Variants in TRAPPC3L observed in about 807,000 individuals in gnomAD.
The protein encoded by TRAPPC3L is trafficking protein particle complex subunit 3-like protein.
In TRAPPC3L, 23 loss-of-function variants were observed where a neutral mutation model predicts 23.7. The ratio of observed to expected loss-of-function variants is 0.97; its 90% CI spans 0.70 to 1.37. The LOEUF (loss-of-function observed/expected upper bound fraction) is 1.37. Ranked by LOEUF, TRAPPC3L falls within the 40% of genes most tolerant of loss-of-function variation. The pLI is 0.00. For synonymous variants in TRAPPC3L, 81 were observed against 77.9 expected, an observed-to-expected ratio of 1.04 and a Z score of -0.21; for missense variants, 212 against 216.8, an observed-to-expected ratio of 0.98 and a Z score of 0.14.
chr6:116,497,112 T>C, intron 4 of TRAPPC3L, 39 bp from the exon 5 acceptor site: 1 of 1,500,344 alleles, frequency 6.7e-7, no homozygotes, highest in Non-Finnish European at 8.8e-7. Flanking sequence ...GTCATTCAAT[T>C]AAAAAACAAA....
chr6:116,545,402 A>T (rs1420619347), intron 1 of TRAPPC3L, 71 bp downstream of exon 1: 1 of 1,375,330 alleles, frequency 7.3e-7, no homozygotes, highest in East Asian at 2.5e-5. Flanking sequence ...CAGTTTTTAA[A>T]ATCAATCAGA....
rs1209111686 is a variant in TRAPPC3L, at chr6:116,497,077, G to A, written c.427-4C>T. On this transcript the variant is annotated splice_region_variant and splice_polypyrimidine_tract_variant and intron_variant, in intron 4 of 4. Transcript: ENST00000368602. ...TAACATCAGCCGCCAAATGAACCTA[G>A]GAAAGAAGAAAAAAACAGGCCTGTG... 3.9e-6 allele frequency: 6 copies of A among 1,532,476 alleles called. No homozygotes were observed. The highest frequency in any genetic ancestry group is 2.5e-5 in the East Asian group (1 of 39,728). The allele number at this position is 1,532,476 out of a possible 1,614,324, so 94.9% of individuals were successfully genotyped here.
At chr6:116,514,552 A>G (rs1002560738) in intron 3 of TRAPPC3L, among the ~76,000 whole-genome samples, 2 of 152,220 alleles carry the variant, frequency 1.3e-5, no homozygotes, top group Non-Finnish European at 2.9e-5. Flanking sequence ...TTACCCTTCA[A>G]GGTGAGTAAC....
intron 3 of TRAPPC3L, chr6:116,523,892 AG>A (rs1307279716): frequency 6.6e-6 from 1 of 152,210 alleles, no homozygotes; most frequent in African/African-American, 2.4e-5. Flanking sequence ...GTATTAAGAA[AG>A]GAGAATAAAG....
At chr6:116,523,877 T>G (rs1304983045) in intron 3 of TRAPPC3L, 1 of 152,142 alleles carries the variant, frequency 6.6e-6, no homozygotes, top group Non-Finnish European at 1.5e-5. Context: ...CCCCACAGAT[T>G]AACAGTATTA....
chr6:116,512,307 C>G, intron 3 of TRAPPC3L: 2 of 1,467,472 alleles, frequency 1.4e-6, no homozygotes, highest in Non-Finnish European at 9.1e-7. Context: ...TCCTTTCAGC[C>G]AGGGCTGTCT....
In TRAPPC3L at chr6:116,500,505, C is replaced by T. The variant is rs1038488850; in HGVS notation, c.402G>A (p.Gly134=). 24 of 1,550,494 alleles carry T rather than the reference C, an allele frequency of 1.5e-5. No homozygotes were observed. Among genetic ancestry groups the T allele is most frequent in the Non-Finnish European group, 2.0e-5 (23 of 1,146,544 alleles). Residue 134 remains glycine, a synonymous_variant, in exon 4 of 5, where the codon GGG becomes GGA. Transcript: ENST00000368602. The part of the protein sequence containing the change: ...SSLCYCNLLC[G]IIRGALEMVH... ...CCATTTCCAAGGCACCTCTGATAAT[C>T]CCACAGAGCAAGTTGCAGTAGCACA...
chr6:116,505,323 A>T (rs1026453444), intron 3 of TRAPPC3L, among the ~76,000 whole-genome samples: 2 of 152,196 alleles, frequency 1.3e-5, no homozygotes, highest in African/African-American at 4.8e-5. Context: ...GATGTGAAGG[A>T]CCTCTTCAAG....
Position 116,497,056 on chromosome 6 carries a change from A to G in TRAPPC3L, c.444T>C (p.Asp148=). The G allele has an allele frequency of 6.5e-7, 1 of 1,541,490 alleles. No individual in the cohort carries two copies. Among genetic ancestry groups the G allele is most frequent in the Non-Finnish European group, 8.7e-7 (1 of 1,143,850 alleles). Residue 148 remains aspartate (D), a synonymous_variant, in exon 5 of 5, where the codon GAT becomes GAC. Transcript: ENST00000368602. ...GALEMVHLAA[D]VTFLQDRLKG... is the part of the protein sequence containing the mutation. ...TTAGTCTGTCTTGCAAGAATGTAAC[A>G]TCAGCCGCCAAATGAACCTAGGAAA...
chr6:116,518,457 C>G (rs1379960825), intron 3 of TRAPPC3L: 1 of 152,312 alleles, frequency 6.6e-6, no homozygotes, highest in Non-Finnish European at 1.5e-5. Context: ...GGTGCAGGGT[C>G]AGACGTCTGT....
At position 116,496,504 on chromosome 6, in the gene TRAPPC3L, A is replaced by T. The variant is rs1771835056; in HGVS notation, c.*450T>A. 1 of 152,318 alleles carries T rather than the reference A, an allele frequency of 6.6e-6. No individual in the cohort carries two copies. Among genetic ancestry groups the T allele is most frequent in the South Asian group, 2.1e-4 (1 of 4,830 alleles). 9.4% of individuals were successfully genotyped at this position (152,318 alleles called of 1,614,324 possible). On this transcript the variant is annotated 3_prime_UTR_variant, in exon 5 of 5. Transcript: ENST00000368602. ...CATATTTTTTTAGAAATATGGAATT[A>T]TTTATTTAAGGAATGCAATATACAG...
At chr6:116,530,902 CATATATATATATATATATATATATAT>C (rs10557481) in intron 3 of TRAPPC3L, among the ~76,000 whole-genome samples, 13 of 76,484 alleles carry the variant, frequency 1.7e-4, no homozygotes, top group East Asian at 5.6e-4. Flanking sequence ...AAGTGAGACT[CATATATATATATATATATATATATAT>C]ATATATATAT....
At chr6:116,540,696 G>T (rs1773396444) in intron 2 of TRAPPC3L, among the ~76,000 whole-genome samples, 1 of 152,044 alleles carries the variant, frequency 6.6e-6, no homozygotes, top group South Asian at 2.1e-4. Context: ...AGAAGAGTCT[G>T]CCTAGAATCA....
chr6:116,520,138 G>A (rs138474053), intron 3 of TRAPPC3L: 33 of 152,174 alleles, frequency 2.2e-4, no homozygotes, highest in African/African-American at 7.0e-4. Flanking sequence ...ATGAGAAAAC[G>A]ATGACATTAT....
chr6:116,502,330 G>A (rs920840142), intron 3 of TRAPPC3L, among the ~76,000 whole-genome samples: 4 of 152,302 alleles, frequency 2.6e-5, no homozygotes, highest in Non-Finnish European at 5.9e-5. Context: ...AGAGAAAAAA[G>A]GGTGAAAAGA....
intron 3 of TRAPPC3L, among the ~76,000 whole-genome samples, chr6:116,514,054 A>G (rs1342541081): frequency 1.3e-5 from 2 of 152,118 alleles, no homozygotes; most frequent in African/African-American, 4.8e-5. Flanking sequence ...GTTCCAAGTC[A>G]ATGAGGAAAA....
intron 3 of TRAPPC3L, chr6:116,520,123 AT>A (rs1772303909): frequency 6.6e-6 from 1 of 152,188 alleles, no homozygotes; most frequent in African/African-American, 2.4e-5. Context: ...AAATGTATAC[AT>A]TTAATGAGAA....
chr6:116,529,777 CA>C (rs745699763), intron 3 of TRAPPC3L, among the ~76,000 whole-genome samples: 3 of 152,118 alleles, frequency 2.0e-5, no homozygotes, highest in Non-Finnish European at 2.9e-5. Context: ...AGATTTTAAC[CA>C]AGTGAAGGGC....
intron 3 of TRAPPC3L, among the ~76,000 whole-genome samples, chr6:116,504,569 G>C (rs918879332): frequency 4.6e-5 from 7 of 152,096 alleles, no homozygotes; most frequent in Non-Finnish European, 1.0e-4. Context: ...GCCTGGCAGA[G>C]ACACAACAAA....
Sources: gnomAD v4.1 joint callset for allele counts (sites outside exome capture counted in the v4.1 genomes callset) on GRCh38, gnomAD v4.1.1 for gene constraint, MANE v1.5 for transcripts, NCBI Gene and HGNC (gene_info 2026-07-23, HGNC 2026-07-21) for gene names.